Variants in PRIMA1 observed in about 807,000 individuals in gnomAD.
The protein encoded by PRIMA1 is proline-rich membrane anchor 1.
In PRIMA1, 7 loss-of-function variants were observed where a neutral mutation model predicts 17.5. The ratio of observed to expected loss-of-function variants is 0.40; its 90% confidence interval spans 0.23 to 0.75. The LOEUF (loss-of-function observed/expected upper bound fraction) is 0.75. Ranked by LOEUF, PRIMA1 falls within the 30% of genes least tolerant of loss-of-function variation. The pLI is 0.37. For synonymous variants in PRIMA1, 97 were observed against 77.9 expected (o/e 1.25, Z -1.29); for missense variants, 200 against 201.8 (o/e 0.99, Z 0.05).
chr14:93,721,327 C>T lies in PRIMA1; in HGVS notation c.*117G>A. On this transcript the variant is annotated 3_prime_UTR_variant, in exon 5 of 5. Transcript: ENST00000393140. ...GGTTTCTCCTTCGGGAGGCTCAGGG[C>T]CTGTGAGGCAATGAAGTCCTGGACA... is the stretch of plus-strand genomic sequence containing the variant. 1 of 663,420 alleles carries T rather than the reference C, an allele frequency of 1.5e-6. No homozygotes were observed. The highest frequency in any genetic ancestry group is 2.7e-5 in the East Asian group (1 of 37,732). The allele number at this position is 663,420 out of a possible 1,614,324, so 41.1% of individuals were successfully genotyped here.
chr14:93,771,929 A>G (rs933782686), intron 3 of PRIMA1, among the ~76,000 whole-genome samples: 6 of 152,204 alleles, frequency 3.9e-5, no homozygotes, highest in Non-Finnish European at 8.8e-5. Context: ...GTAATCAGAT[A>G]GCCTTGAATA....
chr14:93,737,199 T>G, intron 4 of PRIMA1, 42 bp downstream of exon 4: 1 of 1,606,638 alleles, frequency 6.2e-7, no homozygotes, highest in Non-Finnish European at 8.5e-7. Context: ...CCAGCTGGGG[T>G]TCCCTTCGGC....
At chr14:93,776,048 A>T (rs1432470109) in intron 3 of PRIMA1, among the ~76,000 whole-genome samples, 2 of 152,182 alleles carry the variant, frequency 1.3e-5, no homozygotes, top group Non-Finnish European at 2.9e-5. Flanking sequence ...CTTCCTAGGG[A>T]TATTACTGCC....
rs893150029 is a variant in PRIMA1, at chr14:93,718,781, G to C, written c.*2663C>G. 1 of 152,500 alleles carries C rather than the reference G, an allele frequency of 6.6e-6. No individual in the cohort carries two copies. Among genetic ancestry groups the C allele is most frequent in the Admixed American group, 6.5e-5 (1 of 15,274 alleles). 9.4% of individuals were successfully genotyped at this position (152,500 alleles called of 1,614,324 possible). A position where few individuals can be genotyped will look rare whatever the true frequency, so the allele number is the denominator to read the frequency against. ...ACCTGAAACCTCTGGGAGATCCTATGATCTGAGTTCCAAAGTTGGGGTCAA... is the reference window on the plus strand; with the variant it reads ...ACCTGAAACCTCTGGGAGATCCTATCATCTGAGTTCCAAAGTTGGGGTCAA... On this transcript the variant is annotated 3_prime_UTR_variant, in exon 5 of 5. Coordinates refer to ENST00000393140, the MANE Select transcript of PRIMA1 (RefSeq NM_178013.4).
intron 3 of PRIMA1, among the ~76,000 whole-genome samples, chr14:93,755,081 C>G (rs1398239810): frequency 6.6e-6 from 1 of 152,198 alleles, no homozygotes; most frequent in Non-Finnish European, 1.5e-5. Context: ...AACCAATAAC[C>G]TGGAAGGTTC....
chr14:93,748,716 G>C (rs140135499), intron 3 of PRIMA1, among the ~76,000 whole-genome samples: 206 of 152,242 alleles, frequency 1.4e-3, no homozygotes, highest in African/African-American at 4.5e-3. Context: ...TTTCTGCCTG[G>C]TGCTCTGTGC....
At chr14:93,777,319 A>G (rs2141192169) in intron 3 of PRIMA1, among the ~76,000 whole-genome samples, 1 of 150,380 alleles carries the variant, frequency 6.6e-6, no homozygotes, top group African/African-American at 2.4e-5. Context: ...CAACCTGATT[A>G]GCAACCTGGA....
chr14:93,765,010 G>T (rs1222649235), intron 3 of PRIMA1, among the ~76,000 whole-genome samples: 2 of 152,164 alleles, frequency 1.3e-5, no homozygotes, highest in African/African-American at 4.8e-5. Context: ...TTGAGCTGGG[G>T]TTATTGGCTT....
chr14:93,741,374 C>T (rs2076183288), intron 3 of PRIMA1, among the ~76,000 whole-genome samples: 1 of 152,206 alleles, frequency 6.6e-6, no homozygotes, highest in African/African-American at 2.4e-5. Flanking sequence ...CCTGAACTTC[C>T]CTCCCATGGG....
intron 3 of PRIMA1, among the ~76,000 whole-genome samples, chr14:93,757,527 G>A (rs2076298896): frequency 6.6e-6 from 1 of 152,254 alleles, no homozygotes; most frequent in Non-Finnish European, 1.5e-5. Context: ...ATGTATTTCT[G>A]ACTGTGAAGG....
At chr14:93,770,894 AG>A (rs1258901416) in intron 3 of PRIMA1, among the ~76,000 whole-genome samples, 8 of 152,332 alleles carry the variant, frequency 5.3e-5, no homozygotes, top group African/African-American at 1.4e-4. Context: ...ATGACATGCC[AG>A]GCACGTGCTA....
chr14:93,747,659 T>G (rs145440308), intron 3 of PRIMA1, among the ~76,000 whole-genome samples: 3,378 of 147,510 alleles, frequency 0.023, 121 homozygotes, highest in African/African-American at 0.081. Flanking sequence ...TGTATGAGTG[T>G]GTGAGAGTGA....
In PRIMA1 at chr14:93,788,442, C is replaced by T. The variant is rs948774183; in HGVS notation, c.-64G>A. On this transcript the variant is annotated 5_prime_UTR_variant, in exon 1 of 5. Transcript: ENST00000393140. Reference sequence around the variant, plus strand: ...GGCGGCGGCCCCAGCCGACCCTGGGCTCGGGGAAAAGAGGTCCGCGTTCCC... The same window carrying T: ...GGCGGCGGCCCCAGCCGACCCTGGGTTCGGGGAAAAGAGGTCCGCGTTCCC... The T allele has an allele frequency of 1.3e-5, 2 of 152,364 alleles. No homozygotes were observed. The highest frequency in any genetic ancestry group is 2.9e-5 in the Non-Finnish European group (2 of 68,146). The allele number at this position is 152,364 out of a possible 1,614,324, so 9.4% of individuals were successfully genotyped here.
intron 3 of PRIMA1, among the ~76,000 whole-genome samples, chr14:93,756,011 C>T (rs532771984): frequency 1.9e-3 from 287 of 152,306 alleles, no homozygotes; most frequent in African/African-American, 6.6e-3. Context: ...TCCCTAGCCT[C>T]GTGCTGTCTG....
intron 4 of PRIMA1, among the ~76,000 whole-genome samples, chr14:93,724,650 A>G (rs1328483607): frequency 6.6e-6 from 1 of 152,222 alleles, no homozygotes; most frequent in Non-Finnish European, 1.5e-5. Context: ...GAGGGACTCA[A>G]GTGGGATAAA....
At chr14:93,783,627 T>G (rs1029369373) in intron 2 of PRIMA1, among the ~76,000 whole-genome samples, 1 of 152,216 alleles carries the variant, frequency 6.6e-6, no homozygotes, top group African/African-American at 2.4e-5. Context: ...AGTCAGTGAC[T>G]TGCCTAAAGC....
intron 4 of PRIMA1, chr14:93,725,791 C>G (rs10873436): frequency 2.8e-6 from 1 of 357,680 alleles, no homozygotes; most frequent in African/African-American, 2.1e-5. Flanking sequence ...CTGGCCCCAC[C>G]GGCTGGCAGC....
chr14:93,727,811 G>A (rs538111635), intron 4 of PRIMA1, among the ~76,000 whole-genome samples: 1 of 151,118 alleles, frequency 6.6e-6, no homozygotes, highest in South Asian at 2.1e-4. Context: ...ACCTTGTCTT[G>A]CTGTCACAAA....
chr14:93,757,822 T>C (rs895365175), intron 3 of PRIMA1, among the ~76,000 whole-genome samples: 5 of 152,344 alleles, frequency 3.3e-5, no homozygotes, highest in African/African-American at 1.2e-4. Flanking sequence ...GCCATTCGAT[T>C]CTGCTATGTT....
Sources: allele counts gnomAD v4.1 joint callset (sites outside exome capture counted in the v4.1 genomes callset), GRCh38; gene constraint gnomAD v4.1.1; transcripts MANE v1.5; gene names NCBI Gene and HGNC (gene_info 2026-07-23, HGNC 2026-07-21).